The following PRKG1 variants were observed in gnomAD, a reference collection of about 807,000 sequenced individuals.
The protein encoded by PRKG1 is protein kinase cGMP-dependent 1.
PRKG1 carries 35 observed loss-of-function variants against 88.1 expected under a neutral mutation model. That is an observed-to-expected ratio of 0.40 (90% confidence interval 0.30 to 0.53). The LOEUF is 0.53. Ranked by LOEUF, PRKG1 falls within the 20% of genes least tolerant of loss-of-function variation. The pLI, the probability that PRKG1 is intolerant of heterozygous loss-of-function variation, is 0.59. For missense variants in PRKG1, 540 were observed against 839.8 expected (o/e 0.64, Z 4.41); for synonymous variants, 303 against 292.5 (o/e 1.04, Z -0.37).
At chr10:51,681,876 C>T (rs904305642) in intron 3 of PRKG1, among the ~76,000 whole-genome samples, 2 of 152,106 alleles carry the variant, frequency 1.3e-5, no homozygotes, top group East Asian at 1.9e-4. Flanking sequence ...GAAGAAAGAG[C>T]TTTCAAAAGT....
intron 2 of PRKG1, among the ~76,000 whole-genome samples, chr10:51,386,412 G>T (rs951065964): frequency 6.6e-6 from 1 of 152,124 alleles, no homozygotes; most frequent in Non-Finnish European, 1.5e-5. Flanking sequence ...TTGAGTCTGA[G>T]TCCAAAGGCC....
chr10:51,087,917 A>G (rs1454015967), intron 1 of PRKG1, among the ~76,000 whole-genome samples: 2 of 152,126 alleles, frequency 1.3e-5, no homozygotes, highest in Non-Finnish European at 2.9e-5. Context: ...GGTGCATGGC[A>G]CTACATCTGG....
intron 8 of PRKG1, among the ~76,000 whole-genome samples, chr10:52,148,095 A>T (rs1028467586): frequency 6.6e-6 from 1 of 152,238 alleles, no homozygotes; most frequent in African/African-American, 2.4e-5. Context: ...TCTAATAAAA[A>T]TCAGACTCCT....
At chr10:52,056,531 T>G (rs1392616201) in intron 6 of PRKG1, among the ~76,000 whole-genome samples, 2 of 152,062 alleles carry the variant, frequency 1.3e-5, no homozygotes, top group Non-Finnish European at 1.5e-5. Context: ...TAAGTATAAG[T>G]AGAAAAAGTG....
At chr10:52,074,321 C>A (rs186494562) in intron 7 of PRKG1, among the ~76,000 whole-genome samples, 7 of 152,218 alleles carry the variant, frequency 4.6e-5, no homozygotes, top group Non-Finnish European at 8.8e-5. Context: ...AAGGGATCAG[C>A]TTTTTATAGA....
intron 3 of PRKG1, among the ~76,000 whole-genome samples, chr10:51,542,346 C>T (rs530635380): frequency 6.6e-6 from 1 of 152,180 alleles, no homozygotes; most frequent in Admixed American, 6.6e-5. Context: ...TACGTGCATC[C>T]ACCAATTTTA....
intron 9 of PRKG1, chr10:52,185,118 A>G (rs1839156953): frequency 6.6e-6 from 1 of 152,168 alleles, no homozygotes; most frequent in Non-Finnish European, 1.5e-5. Context: ...GTCAAGTCCA[A>G]AGTCTTAAGT....
chr10:52,267,795 T>C (rs564771719), intron 10 of PRKG1, among the ~76,000 whole-genome samples: 43 of 152,232 alleles, frequency 2.8e-4, no homozygotes, highest in Non-Finnish European at 5.1e-4. Flanking sequence ...TAAGTCATCA[T>C]TTTTACAGTT....
At chr10:51,822,871 C>A (rs140702886) in intron 4 of PRKG1, among the ~76,000 whole-genome samples, 1 of 152,096 alleles carries the variant, frequency 6.6e-6, no homozygotes, top group African/African-American at 2.4e-5. Context: ...TTGCATACAG[C>A]TGATTTTTCC....
intron 9 of PRKG1, among the ~76,000 whole-genome samples, chr10:52,228,579 A>G (rs1840448052): frequency 6.6e-6 from 1 of 152,202 alleles, no homozygotes; most frequent in South Asian, 2.1e-4. Flanking sequence ...TTACCTGAGC[A>G]AACATCTGCT....
intron 4 of PRKG1, among the ~76,000 whole-genome samples, chr10:51,871,558 G>A (rs571995213): frequency 6.6e-6 from 1 of 152,340 alleles, no homozygotes; most frequent in South Asian, 2.1e-4. Context: ...CAAGCTGTCA[G>A]TGCTGTGACA....
intron 1 of PRKG1, among the ~76,000 whole-genome samples, chr10:51,096,740 A>G (rs1226804533): frequency 6.6e-6 from 1 of 152,158 alleles, no homozygotes; most frequent in East Asian, 1.9e-4. Context: ...ACAAGATTAT[A>G]TGTGTAAAGC....
intron 9 of PRKG1, among the ~76,000 whole-genome samples, chr10:52,224,491 T>C (rs1840329562): frequency 6.6e-6 from 1 of 151,508 alleles, no homozygotes; most frequent in African/African-American, 2.4e-5. Context: ...CAGGTGGTAT[T>C]TGGTTACATA....
chr10:52,021,977 T>C (rs1427771391), intron 5 of PRKG1, among the ~76,000 whole-genome samples: 1 of 152,240 alleles, frequency 6.6e-6, no homozygotes, highest in Non-Finnish European at 1.5e-5. Flanking sequence ...TAACTTGTCA[T>C]ATAATTTGCT....
rs1342192597 is a variant in PRKG1 at position 51,878,252 on chromosome 10, G to GTGTGTGTA, written c.699-29248_699-29247insATGTGTGT. ...TGTATGTATATATGTGTGAATATAT[G>GTGTGTGTA]TGTGTGTGTGTGTATCCAGCACTGC... On this transcript the variant is annotated intron_variant, in intron 4 of 17. Transcript: ENST00000373980. 4.0e-5 allele frequency among the ~76,000 whole-genome samples: 6 copies of GTGTGTGTA among 151,528 alleles called. No homozygotes were observed. In the East Asian group the frequency reaches 1.2e-3, roughly 29 times the overall value.
intron 8 of PRKG1, among the ~76,000 whole-genome samples, chr10:52,154,478 G>T (rs1205626384): frequency 6.6e-6 from 1 of 152,120 alleles, no homozygotes; most frequent in African/African-American, 2.4e-5. Context: ...TCTACAAAAA[G>T]ATTGTGAATT....
intron 3 of PRKG1, among the ~76,000 whole-genome samples, chr10:51,722,938 T>A (rs1281807723): frequency 6.6e-6 from 1 of 152,192 alleles, no homozygotes; most frequent in Admixed American, 6.5e-5. Context: ...TCTCTCCAAG[T>A]GGAAGGATTT....
intron 5 of PRKG1, among the ~76,000 whole-genome samples, chr10:52,047,847 A>G (rs570421751): frequency 3.3e-5 from 5 of 152,248 alleles, no homozygotes; most frequent in East Asian, 3.9e-4. Flanking sequence ...TCATCTTAAT[A>G]TAGGACTCTT....
At chr10:51,249,112 G>C (rs1033370089) in intron 2 of PRKG1, among the ~76,000 whole-genome samples, 1 of 151,664 alleles carries the variant, frequency 6.6e-6, no homozygotes, top group South Asian at 2.1e-4. Context: ...GAGGAAGACA[G>C]TTAATGCTGT....
Sources: allele counts gnomAD v4.1 joint callset (sites outside exome capture counted in the v4.1 genomes callset), GRCh38; gene constraint gnomAD v4.1.1; transcripts MANE v1.5; gene names NCBI Gene and HGNC (gene_info 2026-07-23, HGNC 2026-07-21).